GABRG2: variants seen among roughly 807,000 people sequenced by gnomAD.
The protein encoded by GABRG2 is gamma-aminobutyric acid type A receptor subunit gamma2.
GABRG2 carries 16 observed loss-of-function variants against 56.4 expected under a neutral mutation model. The observed-to-expected ratio is 0.28, with a 90% CI of 0.19 to 0.43. The LOEUF is 0.43. Among genes scored for constraint, GABRG2 ranks in the 20% least tolerant of loss-of-function variants. The probability of loss-of-function intolerance (pLI) is 1.00; values close to 1 mark genes in which losing one functional copy is unlikely to be tolerated. For missense variants in GABRG2, 327 were observed against 582.7 expected (o/e 0.56, Z 4.52); for synonymous variants, 208 against 205.5 (o/e 1.01, Z -0.10).
At chr5:162,123,520 G>C (rs1273700977) in intron 6 of GABRG2, among the ~76,000 whole-genome samples, 1 of 151,802 alleles carries the variant, frequency 6.6e-6, no homozygotes, top group Non-Finnish European at 1.5e-5. Context: ...ATTTAGTTGA[G>C]CTCAACCTGT....
intron 4 of GABRG2, chr5:162,098,756 T>C (rs1247000929): frequency 6.6e-6 from 1 of 152,176 alleles, no homozygotes; most frequent in Non-Finnish European, 1.5e-5. Flanking sequence ...TGTTTTTACA[T>C]GGTTATGTTT....
At chr5:162,122,538 A>G (rs1370444719) in intron 6 of GABRG2, among the ~76,000 whole-genome samples, 4 of 151,856 alleles carry the variant, frequency 2.6e-5, no homozygotes, top group East Asian at 1.9e-4. Context: ...CATCACTAGT[A>G]TTGAGACATT....
intron 9 of GABRG2, chr5:162,152,491 T>C (rs1420191594): frequency 4.3e-6 from 2 of 464,836 alleles, no homozygotes; most frequent in Non-Finnish European, 8.5e-6. Flanking sequence ...TAGGTAAACA[T>C]TGTTGACATT....
intron 7 of GABRG2, among the ~76,000 whole-genome samples, chr5:162,148,014 A>T (rs539832126): frequency 6.6e-6 from 1 of 152,196 alleles, no homozygotes; most frequent in Non-Finnish European, 1.5e-5. Flanking sequence ...GCTAGAACCT[A>T]TTTGAATACT....
intron 6 of GABRG2, chr5:162,129,340 A>T (rs1460760632): frequency 6.6e-6 from 1 of 152,008 alleles, no homozygotes; most frequent in Non-Finnish European, 1.5e-5. Context: ...CTTGTTCAGA[A>T]CACAAGTCTT....
At chr5:162,124,673 A>G (rs1763203608) in intron 6 of GABRG2, among the ~76,000 whole-genome samples, 1 of 151,828 alleles carries the variant, frequency 6.6e-6, no homozygotes, top group Admixed American at 6.6e-5. Context: ...GGAGTGAAGA[A>G]AAAGCATCCC....
intron 6 of GABRG2, among the ~76,000 whole-genome samples, chr5:162,138,421 C>A (rs1451079718): frequency 2.0e-5 from 3 of 152,120 alleles, no homozygotes. Flanking sequence ...AATGCATTGT[C>A]CCAGAACATC....
At chr5:162,116,186 A>G (rs777431588) in intron 6 of GABRG2, among the ~76,000 whole-genome samples, 2 of 149,936 alleles carry the variant, frequency 1.3e-5, no homozygotes, top group Non-Finnish European at 3.0e-5. Flanking sequence ...TTCTTTATCT[A>G]GTGTGTAATT....
intron 7 of GABRG2, chr5:162,142,873 C>T (rs1398689935): frequency 2.0e-5 from 3 of 147,788 alleles, no homozygotes; most frequent in Non-Finnish European, 4.4e-5. Flanking sequence ...ACGTTGTGCA[C>T]ATGTACCCTA....
chr5:162,099,468 T>G (rs1761250587), intron 4 of GABRG2: 1 of 152,102 alleles, frequency 6.6e-6, no homozygotes, highest in Non-Finnish European at 1.5e-5. Context: ...AGAGATAGTC[T>G]TACTATGTTG....
intron 6 of GABRG2, among the ~76,000 whole-genome samples, chr5:162,115,016 G>A (rs1762520040): frequency 6.6e-6 from 1 of 152,066 alleles, no homozygotes; most frequent in African/African-American, 2.4e-5. Flanking sequence ...CAATCAAACT[G>A]ATACTTTGTC....
chr5:162,142,422 G>C, intron 7 of GABRG2, 106 bp downstream of exon 7: 1 of 1,181,180 alleles, frequency 8.5e-7, no homozygotes, highest in Non-Finnish European at 1.3e-6. Context: ...GCCTGCAATT[G>C]CATAGAAATA....
chr5:162,130,046 T>G lies in GABRG2; in HGVS notation c.770-12118T>G, dbSNP rs149917822. Among the ~76,000 whole-genome samples the G allele has an allele frequency of 2.6e-3, 394 of 152,072 alleles. 3 individuals carry two copies. Among genetic ancestry groups the G allele is most frequent in the Non-Finnish European group, 3.5e-3 (238 of 67,934 alleles). ...TTGCCCACCAACACAGAAAGTTTCC[T>G]TTTTCAGAGAAGTTGAGCTTTTTCG... is the stretch of plus-strand genomic sequence containing the variant. On this transcript the variant is annotated intron_variant, in intron 6 of 9. Coordinates refer to ENST00000639213, the MANE Select transcript of GABRG2 (RefSeq NM_198904.4).
intron 6 of GABRG2, among the ~76,000 whole-genome samples, chr5:162,134,477 T>C (rs1388145665): frequency 6.6e-6 from 1 of 152,158 alleles, no homozygotes; most frequent in Non-Finnish European, 1.5e-5. Context: ...TATTAACTCT[T>C]TTTATGTTCA....
chr5:162,124,358 T>C (rs1763174677), intron 6 of GABRG2, among the ~76,000 whole-genome samples: 1 of 151,832 alleles, frequency 6.6e-6, no homozygotes, highest in African/African-American at 2.4e-5. Context: ...TATTGAAACA[T>C]TTTGCATATA....
intron 6 of GABRG2, among the ~76,000 whole-genome samples, chr5:162,139,790 T>G (rs1489268770): frequency 1.3e-5 from 2 of 152,198 alleles, no homozygotes; most frequent in Non-Finnish European, 2.9e-5. Flanking sequence ...ATTTAAAATG[T>G]GCAGAAAGCT....
chr5:162,099,614 C>A (rs1454199023), intron 4 of GABRG2: 1 of 152,180 alleles, frequency 6.6e-6, no homozygotes, highest in Non-Finnish European at 1.5e-5. Context: ...TCGCCTGATA[C>A]ATCAGAGCTC....
At chr5:162,113,358 A>G (rs1762389999) in intron 6 of GABRG2, among the ~76,000 whole-genome samples, 1 of 152,208 alleles carries the variant, frequency 6.6e-6, no homozygotes, top group Admixed American at 6.5e-5. Context: ...TTTCCAATTT[A>G]TCCACTCCAA....
chr5:162,122,405 A>G (rs1763034676), intron 6 of GABRG2, among the ~76,000 whole-genome samples: 1 of 151,840 alleles, frequency 6.6e-6, no homozygotes, highest in African/African-American at 2.4e-5. Flanking sequence ...AAATTTTAAA[A>G]CAGACAAAAA....
Sources: gnomAD v4.1 joint callset for allele counts (sites outside exome capture counted in the v4.1 genomes callset) on GRCh38, gnomAD v4.1.1 for gene constraint, MANE v1.5 for transcripts, NCBI Gene and HGNC (gene_info 2026-07-23, HGNC 2026-07-21) for gene names.